PDE4DIP: variants seen among roughly 807,000 people sequenced by gnomAD.
PDE4DIP encodes myomegalin.
In PDE4DIP, 59 loss-of-function variants were observed where a neutral mutation model predicts 221.4. The observed-to-expected ratio is 0.27, with a 90% CI of 0.22 to 0.33. The LOEUF (loss-of-function observed/expected upper bound fraction) is 0.33. Among genes scored for constraint, PDE4DIP ranks in the 10% least tolerant of loss-of-function variants. The pLI, the probability that PDE4DIP is intolerant of heterozygous loss-of-function variation, is 1.00. For missense variants in PDE4DIP, 1,036 were observed against 2,154.2 expected, an observed-to-expected ratio of 0.48 and a Z score of 10.28; for synonymous variants, 404 against 815.9, an observed-to-expected ratio of 0.50 and a Z score of 8.60.
At position 148,975,027 on chromosome 1, in the gene PDE4DIP, C is replaced by T. The variant is rs1631778; in HGVS notation, c.2319+422C>T. 7.3e-3 allele frequency among the ~76,000 whole-genome samples: 883 copies of T among 121,330 alleles called. 4 individuals carry two copies. Among genetic ancestry groups the T allele is most frequent in the African/African-American group, 0.014 (468 of 34,218 alleles). 79.6% of individuals were successfully genotyped at this position (121,330 alleles called of 152,430 possible). ...CTCTACTAAAAATACAAAAATTAGC[C>T]AGGTGTAGTGGCGGGCGCCTGTAAT... On this transcript the variant is annotated intron_variant, in intron 17 of 43. Transcript: ENST00000369354.
At chr1:149,013,781 C>CT (rs71582768) in intron 32 of PDE4DIP, among the ~76,000 whole-genome samples, 6,699 of 31,854 alleles carry the variant, frequency 0.21, 1,987 homozygotes, top group East Asian at 0.37. Context: ...CCTTCTTCCT[C>CT]TTTTTTTTTT....
chr1:148,987,896 A>G (rs587735023), intron 21 of PDE4DIP, among the ~76,000 whole-genome samples: 33 of 152,262 alleles, frequency 2.2e-4, no homozygotes, highest in Admixed American at 3.9e-4. Context: ...ATGAGACCTC[A>G]TCTGTAAAGC....
chr1:149,022,963 A>G (rs1304598902), intron 37 of PDE4DIP, among the ~76,000 whole-genome samples: 2 of 152,280 alleles, frequency 1.3e-5, no homozygotes, highest in Non-Finnish European at 2.9e-5. Context: ...CATCTCTTAA[A>G]AAATAAGCAA....
chr1:148,918,622 TACACACACACACAC>T (rs57116412), intron 1 of PDE4DIP, among the ~76,000 whole-genome samples: 2 of 92,240 alleles, frequency 2.2e-5, no homozygotes, highest in African/African-American at 4.6e-5. Flanking sequence ...TCTCTCTCTC[TACACACACACACAC>T]ACACACACAC....
At chr1:149,031,826 C>G in intron 43 of PDE4DIP, 118 bp from the exon 47 acceptor site, 2 of 895,678 alleles carry the variant, frequency 2.2e-6, no homozygotes, top group South Asian at 1.4e-5. Flanking sequence ...ATCCTCTTAA[C>G]TGGCTCTCAC....
chr1:149,007,062 A>T, intron 27 of PDE4DIP, 139 bp from the exon 31 acceptor site: 1 of 620,848 alleles, frequency 1.6e-6, no homozygotes. Context: ...AATACCTCCT[A>T]TGGCTTATGT....
chr1:148,971,338 C>CAG (rs2059169417), intron 14 of PDE4DIP, among the ~76,000 whole-genome samples: 1 of 149,242 alleles, frequency 6.7e-6, no homozygotes, highest in East Asian at 2.0e-4. Context: ...GTAGGGGAAG[C>CAG]AGAGAGAGAG....
chr1:148,965,453 T>A lies in PDE4DIP; in HGVS notation c.1195-31T>A, dbSNP rs782185259. 1.9e-5 allele frequency: 22 copies of A among 1,181,242 alleles called. No individual in the cohort carries two copies. The East Asian group carries it at 4.6e-4, about 25-fold the overall frequency. 73.2% of individuals were successfully genotyped at this position (1,181,242 alleles called of 1,614,324 possible). On this transcript the variant is annotated intron_variant, in intron 9 of 43. Transcript: ENST00000369354. Reference sequence around the variant, plus strand: ...CTAATAACCATGTGACAATTTTAGATCTCTTTAAAAAGGTAATATGTTTAA... The same window carrying A: ...CTAATAACCATGTGACAATTTTAGAACTCTTTAAAAAGGTAATATGTTTAA...
At chr1:148,997,485 T>C (rs2064536290) in intron 22 of PDE4DIP, among the ~76,000 whole-genome samples, 1 of 152,124 alleles carries the variant, frequency 6.6e-6, no homozygotes, top group Non-Finnish European at 1.5e-5. Context: ...AAAGTGAGGT[T>C]GGCTGCTTGG....
At chr1:148,932,993 C>T (rs1400142496) in intron 4 of PDE4DIP, among the ~76,000 whole-genome samples, 1 of 152,162 alleles carries the variant, frequency 6.6e-6, no homozygotes. Context: ...AGAGTGTGAA[C>T]CTTCACCAGA....
chr1:149,023,735 T>G (rs368839666), intron 37 of PDE4DIP, among the ~76,000 whole-genome samples: 2 of 91,726 alleles, frequency 2.2e-5, no homozygotes, highest in Non-Finnish European at 4.6e-5. Context: ...CATATATATG[T>G]ACATGTATAT....
chr1:148,989,984 A>G lies in PDE4DIP; in HGVS notation c.2816-1901A>G, dbSNP rs376807119. On this transcript the variant is annotated intron_variant, in intron 21 of 43. Coordinates refer to ENST00000369354, the Ensembl canonical transcript of PDE4DIP. Reference sequence around the variant, plus strand: ...TAAGTATTGGAAATAACTCTTGTACACTGTCTGCCACAGACCTCTAAAGAT... The same window carrying G: ...TAAGTATTGGAAATAACTCTTGTACGCTGTCTGCCACAGACCTCTAAAGAT... Among the ~76,000 whole-genome samples the G allele has an allele frequency of 9.9e-5, 15 of 152,268 alleles. No homozygotes were observed. The East Asian group carries it at 2.7e-3, about 27-fold the overall frequency.
intron 5 of PDE4DIP, chr1:148,953,883 A>G (rs782350895): frequency 1.2e-6 from 2 of 1,612,146 alleles, no homozygotes; most frequent in Non-Finnish European, 1.7e-6. Context: ...CTCTGTGAAG[A>G]TTATTTGCCG....
chr1:148,978,451 T>G, intron 19 of PDE4DIP, 36 bp downstream of exon 22: 1 of 1,416,466 alleles, frequency 7.1e-7, no homozygotes, highest in Non-Finnish European at 9.6e-7. Flanking sequence ...TTTATTTATT[T>G]ACATTTTTTT....
At chr1:149,022,024 T>C (rs1553620109) in intron 37 of PDE4DIP, among the ~76,000 whole-genome samples, 1 of 149,738 alleles carries the variant, frequency 6.7e-6, no homozygotes, top group Non-Finnish European at 1.5e-5. Context: ...CTGAGCTTGA[T>C]TAAAAATATC....
chr1:148,995,490 A>G (rs1379371505), intron 22 of PDE4DIP, among the ~76,000 whole-genome samples: 1 of 152,130 alleles, frequency 6.6e-6, no homozygotes, highest in Non-Finnish European at 1.5e-5. Context: ...AAGCAAAACA[A>G]TGTCATTCAA....
intron 1 of PDE4DIP, among the ~76,000 whole-genome samples, chr1:148,827,647 C>T (rs1553366231): frequency 8.8e-6 from 1 of 114,228 alleles, no homozygotes; most frequent in African/African-American, 2.8e-5. Context: ...GAAGAATCTA[C>T]ATCTTACTCT....
chr1:148,990,047 G>A (rs143839428), intron 21 of PDE4DIP: 4,014 of 177,150 alleles, frequency 0.023, 50 homozygotes, highest in Middle Eastern at 0.049. Flanking sequence ...CACTGAACAG[G>A]ACCCTTCCTT....
intron 37 of PDE4DIP, chr1:149,021,452 A>G (rs1241792267): frequency 2.5e-5 from 7 of 276,850 alleles, no homozygotes; most frequent in East Asian, 1.9e-4. Context: ...TAATGATATC[A>G]TCATTTGAAA....
Sources: gnomAD v4.1 joint callset for allele counts (sites outside exome capture counted in the v4.1 genomes callset) on GRCh38, gnomAD v4.1.1 for gene constraint, MANE v1.5 for transcripts, NCBI Gene and HGNC (gene_info 2026-07-23, HGNC 2026-07-21) for gene names.